Variants in ENO1 observed in about 807,000 individuals in gnomAD.
ENO1 encodes the protein alpha-enolase.
ENO1 carries 33 observed loss-of-function variants against 46.3 expected under a neutral mutation model. The observed-to-expected ratio is 0.71, with a 90% confidence interval of 0.54 to 0.95. ENO1 has a LOEUF of 0.95. ENO1 is among the 40% of genes least tolerant of loss of function. The pLI is 0.00. For missense variants in ENO1, 488 were observed against 553.3 expected (o/e 0.88, Z 1.18); for synonymous variants, 220 against 216.0 (o/e 1.02, Z -0.16).
chr1:8,876,154 A>C (rs1321483536), intron 1 of ENO1: 2 of 152,194 alleles, frequency 1.3e-5, no homozygotes, highest in Non-Finnish European at 2.9e-5. Flanking sequence ...AACTTATAGA[A>C]CTGAGGTGGG....
Position 8,866,280 on chromosome 1 carries a change from T to A in ENO1, c.666A>T (p.Glu222Asp). The change falls in exon 7 of 12, where the codon GAA (glutamate) becomes GAT (aspartate). Residue 222 changes from glutamate (E) to aspartate (D), a missense_variant and splice_region_variant. Physicochemically the swap from Glu to Asp is conservative, Grantham distance 45. Transcript: ENST00000234590. Reference protein sequence around the residue: ...GFAPNILENKEGLELLKTAIG... With the variant: ...GFAPNILENKDGLELLKTAIG... ...GGGGCGGTTCCCTAGCGCCTTTACCTTCTTTATTCTCCAGGATGTTGGGAG... is the reference window on the plus strand; with the variant it reads ...GGGGCGGTTCCCTAGCGCCTTTACCATCTTTATTCTCCAGGATGTTGGGAG... 1.2e-6 allele frequency: 2 copies of A among 1,613,914 alleles called. No homozygotes were observed. Among genetic ancestry groups the A allele is most frequent in the Non-Finnish European group, 1.7e-6 (2 of 1,180,000 alleles).
At chr1:8,873,786 GC>G (rs1642679491) in intron 2 of ENO1, 5 of 152,368 alleles carry the variant, frequency 3.3e-5, no homozygotes, top group Non-Finnish European at 7.3e-5. Context: ...TGGTGACTCA[GC>G]TCCGACTGGC....
chr1:8,876,931 G>C (rs1335934820), intron 1 of ENO1, among the ~76,000 whole-genome samples: 4 of 151,728 alleles, frequency 2.6e-5, no homozygotes, highest in African/African-American at 2.4e-5. Context: ...TGCAACCTCA[G>C]CCTCCTGTCT....
chr1:8,871,578 A>G, intron 3 of ENO1: 14 of 1,112,232 alleles, frequency 1.3e-5, no homozygotes, highest in Non-Finnish European at 1.5e-5. Flanking sequence ...TCTTTAGTTA[A>G]CAGGCCCTGT....
intron 10 of ENO1, 132 bp from the exon 11 acceptor site, chr1:8,863,077 A>G: frequency 7.3e-7 from 1 of 1,365,968 alleles, no homozygotes; most frequent in Non-Finnish European, 1.0e-6. Context: ...CACAACATAC[A>G]GGCAGGGCGC....
chr1:8,868,824 C>CCAT (rs1397798547), intron 4 of ENO1, among the ~76,000 whole-genome samples: 2 of 151,772 alleles, frequency 1.3e-5, no homozygotes, highest in African/African-American at 4.8e-5. Context: ...TAGGCATGCA[C>CCAT]CATCATGCCT....
intron 7 of ENO1, chr1:8,865,917 G>A: frequency 3.0e-6 from 1 of 330,832 alleles, no homozygotes; most frequent in South Asian, 2.9e-5. Context: ...CTCAGGCTCA[G>A]GGTCTGCTGT....
Position 8,866,718 on chromosome 1 carries a change from G to C in ENO1, c.445-217C>G, listed in dbSNP as rs1250396383. 3.7e-5 allele frequency: 22 copies of C among 602,306 alleles called. No homozygotes were observed. In the Admixed American group the frequency reaches 6.6e-4, roughly 18 times the overall value. 37.3% of individuals were successfully genotyped at this position (602,306 alleles called of 1,614,324 possible). On this transcript the variant is annotated intron_variant, in intron 6 of 11. Coordinates refer to ENST00000234590, the MANE Select transcript of ENO1 (RefSeq NM_001428.5). ...TTCACTATACTGGTCTTGCCTAGAG[G>C]CTGGTCTCAAACTCTTGGGTTTAAG...
rs139966882 is a variant in ENO1 at position 8,870,322 on chromosome 1, G to A, written c.240+130C>T. On this transcript the variant is annotated intron_variant, in intron 4 of 11. Coordinates refer to ENST00000234590, the MANE Select transcript of ENO1 (RefSeq NM_001428.5). ...ATTATGTCATGCATGGATTGTTCTC[G>A]TGCGTGACAGGGAATCCAATAGGCT... is the stretch of plus-strand genomic sequence containing the variant. 1.2e-3 allele frequency: 1,457 copies of A among 1,179,824 alleles called. 3 individuals carry two copies. The highest frequency in any genetic ancestry group is 3.2e-3 in the Admixed American group (138 of 43,396). The allele number at this position is 1,179,824 out of a possible 1,614,324, so 73.1% of individuals were successfully genotyped here.
rs34092287 is a variant in ENO1 at position 8,867,552 on chromosome 1, AT to A, written c.311-303del. 7.8e-3 allele frequency among the ~76,000 whole-genome samples: 651 copies of A among 83,326 alleles called. 11 individuals carry two copies. Among genetic ancestry groups the A allele is most frequent in the East Asian group, 0.052 (251 of 4,850 alleles). The allele number at this position is 83,326 out of a possible 152,430, so 54.7% of individuals were successfully genotyped here. ...GTTTTGCACCTGATATTCAAAAAAAATTTTTTTTTTTCTTTTTTTTTGAGAC... is the reference window on the plus strand; with the variant it reads ...GTTTTGCACCTGATATTCAAAAAAAATTTTTTTTTTCTTTTTTTTTGAGAC... On this transcript the variant is annotated intron_variant, in intron 5 of 11. Coordinates refer to ENST00000234590, the MANE Select transcript of ENO1 (RefSeq NM_001428.5).
chr1:8,874,628 A>T (rs1291916654), intron 2 of ENO1, among the ~76,000 whole-genome samples, 196 bp downstream of exon 2: 4 of 151,240 alleles, frequency 2.6e-5, no homozygotes, highest in African/African-American at 9.7e-5. Flanking sequence ...AAATAAGCCG[A>T]GAAACAGCAA....
At position 8,866,217 on chromosome 1, in the gene ENO1, C is replaced by T. The variant is rs1642510201; in HGVS notation, c.667+62G>A. Reference sequence around the variant, plus strand: ...TCCACAGTGGCAGGTGTGGACGACCCCCCAACAGAGGGAGCTGGCGCTGCA... The same window carrying T: ...TCCACAGTGGCAGGTGTGGACGACCTCCCAACAGAGGGAGCTGGCGCTGCA... On this transcript the variant is annotated intron_variant, in intron 7 of 11. Transcript: ENST00000234590. 3 of 1,485,750 alleles carry T rather than the reference C, an allele frequency of 2.0e-6. No homozygotes were observed. The South Asian group carries it at 3.4e-5, about 17-fold the overall frequency. 92.0% of individuals were successfully genotyped at this position (1,485,750 alleles called of 1,614,324 possible).
rs1168749434 is a variant in ENO1 at position 8,878,599 on chromosome 1, G to A, written c.-29C>T. On this transcript the variant is annotated 5_prime_UTR_variant, in exon 1 of 12. Coordinates refer to ENST00000234590, the MANE Select transcript of ENO1 (RefSeq NM_001428.5). ...CATTACCTAGCCACTGGGTCTCGTC[G>A]CCTAGGAGAGGAAGCGGAGGGTGCT... 8.8e-6 allele frequency: 4 copies of A among 455,932 alleles called. No individual in the cohort carries two copies. Among genetic ancestry groups the A allele is most frequent in the African/African-American group, 2.0e-5 (1 of 50,056 alleles). The allele number at this position is 455,932 out of a possible 1,614,324, so 28.2% of individuals were successfully genotyped here.
At position 8,865,498 on chromosome 1, in the gene ENO1, G is replaced by A. The variant is rs915424658; in HGVS notation, c.668-16C>T. On this transcript the variant is annotated splice_polypyrimidine_tract_variant and intron_variant, in intron 7 of 11. Transcript: ENST00000234590. ...AGCTCCAGGCCTGGGAAGAGATGGT[G>A]ACAACAGGTTTGGAAAACAGGTAGG... The A allele has an allele frequency of 6.2e-7, 1 of 1,611,896 alleles. No individual in the cohort carries two copies. The highest frequency in any genetic ancestry group is 1.3e-5 in the African/African-American group (1 of 74,848).
chr1:8,874,716 G>T (rs1642701720), intron 2 of ENO1, 108 bp downstream of exon 2: 2 of 991,724 alleles, frequency 2.0e-6, no homozygotes, highest in Non-Finnish European at 1.5e-6. Context: ...CAGACAGAAA[G>T]AAAAGCTTTA....
intron 9 of ENO1, 147 bp downstream of exon 9, chr1:8,863,744 C>T: frequency 1.1e-6 from 1 of 925,988 alleles, no homozygotes; most frequent in South Asian, 1.5e-5. Context: ...ATTTAAAAGG[C>T]TCCTGAGTTC....
intron 1 of ENO1, 113 bp from the exon 2 acceptor site, chr1:8,875,030 T>C (rs1642707544): frequency 1.3e-6 from 1 of 791,046 alleles, no homozygotes; most frequent in Admixed American, 2.5e-5. Flanking sequence ...AGCACTGGAC[T>C]AAATACTGGA....
chr1:8,871,001 G>A, intron 3 of ENO1: 1 of 1,242,624 alleles, frequency 8.0e-7, no homozygotes, highest in Non-Finnish European at 1.0e-6. Context: ...CATTTCAGGG[G>A]CCATGCGTTC....
chr1:8,871,811 C>T (rs1311782684), intron 3 of ENO1, 80 bp downstream of exon 3: 1 of 1,485,908 alleles, frequency 6.7e-7, no homozygotes, highest in African/African-American at 1.4e-5. Flanking sequence ...GCAAGTGCCA[C>T]CCAGAGAGGA....
Sources: allele counts gnomAD v4.1 joint callset (sites outside exome capture counted in the v4.1 genomes callset), GRCh38; gene constraint gnomAD v4.1.1; transcripts MANE v1.5; gene names NCBI Gene and HGNC (gene_info 2026-07-23, HGNC 2026-07-21).